RNLS: variants seen among roughly 807,000 people sequenced by gnomAD.
RNLS encodes the protein renalase.
In RNLS, 39 loss-of-function variants were observed where a neutral mutation model predicts 39.8. The observed-to-expected ratio is 0.98, with a 90% CI of 0.76 to 1.28. The LOEUF is 1.28. Ranked by LOEUF, RNLS falls within the 50% of genes most tolerant of loss-of-function variation. RNLS has a pLI of 0.00. For synonymous variants in RNLS, 147 were observed against 150.7 expected (o/e 0.98, Z 0.18); for missense variants, 410 against 413.3 (o/e 0.99, Z 0.07).
the RNLS span, among the ~76,000 whole-genome samples, chr10:88,188,574 G>A: frequency 2.6e-5 from 4 of 152,104 alleles, no homozygotes; most frequent in Non-Finnish European, 4.4e-5. Context: ...GAGCTGCAAG[G>A]GTGCATTGTA....
chr10:88,342,698 G>A (rs1044451806), intron 5 of RNLS, among the ~76,000 whole-genome samples: 13 of 152,118 alleles, frequency 8.5e-5, no homozygotes, highest in African/African-American at 3.1e-4. Flanking sequence ...ATTAAATTAG[G>A]ACTTCAGGAA....
the RNLS span, among the ~76,000 whole-genome samples, chr10:88,173,154 G>A: frequency 2.6e-5 from 4 of 151,886 alleles, no homozygotes; most frequent in East Asian, 3.9e-4. Context: ...CACCGCGCCC[G>A]GCCGAGTGGA....
chr10:88,229,374 T>C, the RNLS span, among the ~76,000 whole-genome samples: 1 of 152,234 alleles, frequency 6.6e-6, no homozygotes, highest in Admixed American at 6.5e-5. Flanking sequence ...AGTGGTCATA[T>C]TTAGAGGCTA....
At chr10:88,258,780 G>A in the RNLS span, among the ~76,000 whole-genome samples, 2 of 152,172 alleles carry the variant, frequency 1.3e-5, no homozygotes, top group African/African-American at 4.8e-5. Context: ...TTCTGCAGAG[G>A]AACTCTTACC....
At chr10:88,338,906 C>T (rs1256562104) in intron 5 of RNLS, among the ~76,000 whole-genome samples, 3 of 152,042 alleles carry the variant, frequency 2.0e-5, no homozygotes, top group Admixed American at 6.6e-5. Context: ...GGACTACAGG[C>T]GCCCGCCACC....
the RNLS span, among the ~76,000 whole-genome samples, chr10:88,215,791 C>T: frequency 6.6e-6 from 1 of 150,832 alleles, no homozygotes; most frequent in Non-Finnish European, 1.5e-5. Flanking sequence ...TCTCCACCTC[C>T]CTGGTTCAAG....
the RNLS span, among the ~76,000 whole-genome samples, chr10:88,181,806 G>A: frequency 6.6e-6 from 1 of 152,248 alleles, no homozygotes; most frequent in South Asian, 2.1e-4. Flanking sequence ...GGTTTCTATA[G>A]TGTTTACAGT....
the RNLS span, among the ~76,000 whole-genome samples, chr10:88,204,489 A>G: frequency 1.3e-5 from 2 of 152,164 alleles, no homozygotes; most frequent in Non-Finnish European, 2.9e-5. Flanking sequence ...TACCAAAGCA[A>G]TGGTTACCTA....
chr10:88,235,855 A>T, the RNLS span, among the ~76,000 whole-genome samples: 1 of 151,560 alleles, frequency 6.6e-6, no homozygotes, highest in Non-Finnish European at 1.5e-5. Flanking sequence ...TTTTTGAGAC[A>T]GGGTCTTGTT....
intron 4 of RNLS, among the ~76,000 whole-genome samples, chr10:88,395,404 G>T (rs1438175940): frequency 1.3e-5 from 2 of 151,758 alleles, no homozygotes; most frequent in Non-Finnish European, 2.9e-5. Context: ...TAAATAGATA[G>T]AAATATAAAA....
chr10:88,306,761 G>C lies in RNLS; in HGVS notation c.876+7705C>G, dbSNP rs190906024. 9.9e-4 allele frequency among the ~76,000 whole-genome samples: 150 copies of C among 152,082 alleles called. 3 individuals are homozygous for C. Among genetic ancestry groups the C allele is most frequent in the Non-Finnish European group, 5.2e-4 (35 of 67,942 alleles). ...ATTCTATCAGATGTACAAAGAGCTG[G>C]TACCATTCCTGCTGAAACTATTCCA... is the stretch of plus-strand genomic sequence containing the variant. On this transcript the variant is annotated intron_variant, in intron 6 of 6. Transcript: ENST00000331772.
chr10:88,429,176 G>C (rs1011951779), intron 4 of RNLS, among the ~76,000 whole-genome samples: 2 of 151,962 alleles, frequency 1.3e-5, no homozygotes, highest in East Asian at 3.9e-4. Flanking sequence ...TGGAGCCAGG[G>C]CCGCCACTTT....
chr10:88,469,832 T>TGC (rs1564824910), intron 4 of RNLS, among the ~76,000 whole-genome samples: 2 of 149,890 alleles, frequency 1.3e-5, no homozygotes, highest in Non-Finnish European at 3.0e-5. Flanking sequence ...CGTGTGTGTG[T>TGC]GTGTGTGTGT....
chr10:88,193,319 A>G, the RNLS span, among the ~76,000 whole-genome samples: 1 of 152,124 alleles, frequency 6.6e-6, no homozygotes, highest in Non-Finnish European at 1.5e-5. Context: ...TAGGAATCAG[A>G]ATCTCCCAGG....
intron 4 of RNLS, among the ~76,000 whole-genome samples, chr10:88,500,915 C>T (rs1200040235): frequency 6.6e-6 from 1 of 151,970 alleles, no homozygotes; most frequent in African/African-American, 2.4e-5. Flanking sequence ...CCTAAATAAA[C>T]AGCCATCTAT....
intron 5 of RNLS, among the ~76,000 whole-genome samples, chr10:88,339,811 A>G (rs1160510967): frequency 2.6e-5 from 4 of 152,222 alleles, no homozygotes; most frequent in Non-Finnish European, 4.4e-5. Context: ...CTAAAGGATG[A>G]GACACACTTA....
intron 4 of RNLS, among the ~76,000 whole-genome samples, chr10:88,440,991 T>G (rs769529950): frequency 4.6e-5 from 7 of 152,120 alleles, no homozygotes; most frequent in Non-Finnish European, 1.0e-4. Context: ...AATTATAAAT[T>G]AGCACAAAAA....
chr10:88,547,980 G>A (rs1473430908), intron 4 of RNLS, among the ~76,000 whole-genome samples: 1 of 151,924 alleles, frequency 6.6e-6, no homozygotes, highest in Non-Finnish European at 1.5e-5. Flanking sequence ...AAGAAAACAA[G>A]GCTGGGCACA....
chr10:88,524,355 C>T (rs1846948840), intron 4 of RNLS, among the ~76,000 whole-genome samples: 1 of 152,060 alleles, frequency 6.6e-6, no homozygotes, highest in African/African-American at 2.4e-5. Context: ...ACCTCAGCAT[C>T]TAGCATAATA....
Sources: allele counts gnomAD v4.1 joint callset (sites outside exome capture counted in the v4.1 genomes callset), GRCh38; gene constraint gnomAD v4.1.1; transcripts MANE v1.5; gene names NCBI Gene and HGNC (gene_info 2026-07-23, HGNC 2026-07-21).